The following ACSS2 variants were observed in gnomAD, a reference collection of about 807,000 sequenced individuals.
ACSS2 encodes the protein acetyl-coenzyme A synthetase, cytoplasmic.
ACSS2 carries 58 observed loss-of-function variants against 90.6 expected under a neutral mutation model. The observed-to-expected ratio is 0.64, with a 90% CI of 0.52 to 0.80. The LOEUF (loss-of-function observed/expected upper bound fraction) is 0.80. Ranked by LOEUF, ACSS2 falls within the 30% of genes least tolerant of loss-of-function variation. The pLI is 0.00. For synonymous variants in ACSS2, 300 were observed against 330.9 expected (o/e 0.91, Z 1.01); for missense variants, 759 against 912.0 (o/e 0.83, Z 2.16).
At chr20:34,882,736 C>T in intron 1 of ACSS2, 58 bp from the exon 2 acceptor site, 16 of 1,558,482 alleles carry the variant, frequency 1.0e-5, no homozygotes, top group Non-Finnish European at 1.4e-5. Context: ...GGTAAGCCTT[C>T]TGAGGCTAAA....
intron 2 of ACSS2, among the ~76,000 whole-genome samples, chr20:34,909,370 AAACAACAAC>A (rs965273475): frequency 6.6e-6 from 1 of 152,116 alleles, no homozygotes; most frequent in Non-Finnish European, 1.5e-5. Flanking sequence ...CCTGTCTCAA[AAACAACAAC>A]AACAACAAAT....
At position 34,920,677 on chromosome 20, in the gene ACSS2, G is replaced by C. The variant is rs1419452848; in HGVS notation, c.1111G>C (p.Gly371Arg). ...WITGHSYVTY[G>R]PLANGATSVL... ...CACTGGTCATTCCTACGTCACCTAT[G>C]GGCCACTGGCCAATGGTGCCACCAG... The change falls in exon 9 of 18, where the codon GGG becomes CGG. Residue 371 changes from glycine (G) to arginine (R), a missense_variant. By Grantham distance (125) the Gly-to-Arg change is moderately radical. Transcript: ENST00000360596. 1 of 1,613,686 alleles carries C rather than the reference G, an allele frequency of 6.2e-7. No homozygotes were observed. The highest frequency in any genetic ancestry group is 8.5e-7 in the Non-Finnish European group (1 of 1,179,836).
In ACSS2 at chr20:34,920,552, C is replaced by T. The variant is rs1219941249; in HGVS notation, c.986C>T (p.Thr329Ile). 1.2e-6 allele frequency: 2 copies of T among 1,613,896 alleles called. No individual in the cohort carries two copies. Among genetic ancestry groups the T allele is most frequent in the East Asian group, 2.2e-5 (1 of 44,880 alleles). Residue 329 changes from threonine to isoleucine, a missense_variant, in exon 9 of 18, where the codon ACA becomes ATA. Transcript: ENST00000360596. The stretch of plus-strand genomic sequence containing the variant: ...TTCTTCCCACAGGGTGTGGTTCACA[C>T]AGTTGGGGGCTACATGCTCTATGTA... ...STGKPKGVVH[T>I]VGGYMLYVAT...
intron 2 of ACSS2, among the ~76,000 whole-genome samples, chr20:34,901,265 C>T (rs1027101716): frequency 1.3e-5 from 2 of 152,036 alleles, no homozygotes; most frequent in African/African-American, 2.4e-5. Flanking sequence ...TTTCTCTTTT[C>T]TTTTCTTTCT....
At position 34,927,547 on chromosome 20, in the gene ACSS2, T is replaced by C. The variant is rs1600372686; in HGVS notation, c.*333T>C. 3.0e-6 allele frequency: 1 copy of C among 328,326 alleles called. No individual in the cohort carries two copies. Among genetic ancestry groups the C allele is most frequent in the Non-Finnish European group, 5.7e-6 (1 of 174,410 alleles). 20.3% of individuals were successfully genotyped at this position (328,326 alleles called of 1,614,324 possible). ...CCACTGAAGCAGGGAGGCAGCTGTG[T>C]AATCCTATGTCAGCTCTCTTAGGAA... On this transcript the variant is annotated 3_prime_UTR_variant, in exon 18 of 18. Transcript: ENST00000360596. The surrounding 1 kb of genome is among the most constrained non-coding windows in gnomAD (Gnocchi z 4.2).
At chr20:34,904,969 G>GTA (rs1417115568) in intron 2 of ACSS2, among the ~76,000 whole-genome samples, 5 of 139,602 alleles carry the variant, frequency 3.6e-5, no homozygotes, top group African/African-American at 5.5e-5. Context: ...CTAGGCTAGA[G>GTA]TATAGTAGCA....
intron 9 of ACSS2, 131 bp from the exon 10 acceptor site, chr20:34,920,875 T>C: frequency 6.6e-7 from 1 of 1,507,162 alleles, no homozygotes; most frequent in Non-Finnish European, 9.0e-7. Context: ...GATGGTATCT[T>C]GGCTTGTCTG....
At chr20:34,906,334 CAA>C (rs34277751) in intron 2 of ACSS2, among the ~76,000 whole-genome samples, 31 of 75,828 alleles carry the variant, frequency 4.1e-4, no homozygotes, top group Non-Finnish European at 4.6e-4. Context: ...GACTCCGTCT[CAA>C]AAAAAAAAAA....
At chr20:34,908,499 C>A (rs1401302257) in intron 2 of ACSS2, among the ~76,000 whole-genome samples, 1 of 152,182 alleles carries the variant, frequency 6.6e-6, no homozygotes, top group Non-Finnish European at 1.5e-5. Flanking sequence ...AATATCACCT[C>A]TCCAGAGAGA....
intron 2 of ACSS2, among the ~76,000 whole-genome samples, chr20:34,908,173 G>A (rs1241459163): frequency 6.6e-6 from 1 of 152,202 alleles, no homozygotes; most frequent in Non-Finnish European, 1.5e-5. Flanking sequence ...TGAAGGAGGA[G>A]GGAGAATATT....
At chr20:34,897,403 A>G (rs931968071) in intron 2 of ACSS2, among the ~76,000 whole-genome samples, 1 of 152,110 alleles carries the variant, frequency 6.6e-6, no homozygotes, top group African/African-American at 2.4e-5. Flanking sequence ...CCACTAATCT[A>G]CTTTCTGTCT....
At chr20:34,889,331 C>T (rs1159876418) in intron 2 of ACSS2, among the ~76,000 whole-genome samples, 1 of 151,996 alleles carries the variant, frequency 6.6e-6, no homozygotes, top group African/African-American at 2.4e-5. Flanking sequence ...ACCATTTTAG[C>T]CAGGATGGTC....
intron 2 of ACSS2, among the ~76,000 whole-genome samples, chr20:34,908,478 G>A (rs1161640584): frequency 6.6e-6 from 1 of 152,028 alleles, no homozygotes; most frequent in Non-Finnish European, 1.5e-5. Flanking sequence ...CATTATTCAG[G>A]TCTTGGCTCA....
intron 2 of ACSS2, among the ~76,000 whole-genome samples, chr20:34,887,462 G>A (rs1008703727): frequency 2.0e-5 from 3 of 152,202 alleles, no homozygotes; most frequent in South Asian, 2.1e-4. Context: ...TAGATTGGCC[G>A]GGCACAATGG....
intron 2 of ACSS2, chr20:34,908,914 T>G (rs978524282): frequency 1.1e-5 from 5 of 443,780 alleles, no homozygotes; most frequent in Admixed American, 2.5e-5. Context: ...GGTCCACTTC[T>G]GGTAATTCAT....
chr20:34,908,703 A>G, intron 2 of ACSS2: 1 of 282,178 alleles, frequency 3.5e-6, no homozygotes, highest in South Asian at 3.2e-5. Flanking sequence ...CTCTACTAAA[A>G]TGCAAAAATT....
In ACSS2 at chr20:34,926,276, A is replaced by G. The variant is rs770987285; in HGVS notation, c.1898A>G (p.Lys633Arg). Residue 633 changes from lysine to arginine, a missense_variant, in exon 16 of 18, where the codon AAG becomes AGG. Coordinates refer to ENST00000360596, the MANE Select transcript of ACSS2 (RefSeq NM_018677.4). ...FSPKLTEELKKQIREKIGPIA... is the reference protein window; with the variant it reads ...FSPKLTEELKRQIREKIGPIA... ...CCCAAGCTCACCGAGGAGCTCAAGA[A>G]GCAGAGTAAGGAGCCTCCCTGGGCA... The G allele has an allele frequency of 2.5e-6, 4 of 1,613,952 alleles. No homozygotes were observed. Among genetic ancestry groups the G allele is most frequent in the Non-Finnish European group, 2.5e-6 (3 of 1,179,948 alleles).
Position 34,921,568 on chromosome 20 carries a change from C to A in ACSS2, c.1435C>A (p.Pro479Thr). ...ETGGHMLTPL[P>T]GATPMKPGSA... ...GGGTGGCCACATGTTGACTCCCCTT[C>A]CTGGTGCCACACCCATGAAACCCGG... The change falls in exon 12 of 18, where the codon CCT becomes ACT. Residue 479 changes from proline (P) to threonine (T), a missense_variant. Coordinates refer to ENST00000360596, the MANE Select transcript of ACSS2 (RefSeq NM_018677.4). The A allele has an allele frequency of 6.2e-7, 1 of 1,614,242 alleles. No homozygotes were observed. Among genetic ancestry groups the A allele is most frequent in the Non-Finnish European group, 8.5e-7 (1 of 1,180,044 alleles).
intron 2 of ACSS2, among the ~76,000 whole-genome samples, chr20:34,912,722 G>A (rs1380462691): frequency 6.6e-6 from 1 of 152,174 alleles, no homozygotes; most frequent in Non-Finnish European, 1.5e-5. Flanking sequence ...AGGCACAAGT[G>A]ATCTGGAGAC....
Sources: gnomAD v4.1 joint callset for allele counts (sites outside exome capture counted in the v4.1 genomes callset) on GRCh38, gnomAD v4.1.1 for gene constraint, Gnocchi (gnomAD v3.1) non-coding constraint, MANE v1.5 for transcripts, NCBI Gene and HGNC (gene_info 2026-07-23, HGNC 2026-07-21) for gene names.